RNF24: variants seen among roughly 807,000 people sequenced by gnomAD.
RNF24 encodes the protein ring finger protein 24.
Under a neutral mutation model 20.0 loss-of-function variants are expected in RNF24, and 14 were observed. The ratio of observed to expected loss-of-function variants is 0.70; its 90% confidence interval spans 0.46 to 1.10. RNF24 has a LOEUF of 1.10. RNF24 is among the 50% of genes least tolerant of loss of function. The pLI, the probability that RNF24 is intolerant of heterozygous loss-of-function variation, is 0.00. For synonymous variants in RNF24, 45 were observed against 61.1 expected (o/e 0.74, Z 1.23); for missense variants, 124 against 177.6 (o/e 0.70, Z 1.71).
intron 2 of RNF24, among the ~76,000 whole-genome samples, chr20:3,958,323 C>A (rs1045478365): frequency 6.6e-6 from 1 of 152,090 alleles, no homozygotes; most frequent in Admixed American, 6.6e-5. Context: ...TACAAAAAAA[C>A]CCAGCACTAA....
intron 1 of RNF24, among the ~76,000 whole-genome samples, chr20:3,994,677 C>A (rs1436197920): frequency 2.6e-5 from 4 of 152,182 alleles, no homozygotes; most frequent in Non-Finnish European, 4.4e-5. Flanking sequence ...CCTGTTGAAG[C>A]TACTCTGGGA....
At chr20:3,965,467 T>C (rs2091247972) in intron 1 of RNF24, among the ~76,000 whole-genome samples, 1 of 152,228 alleles carries the variant, frequency 6.6e-6, no homozygotes. Context: ...AATTCTTCTC[T>C]GACAGCTTCC....
chr20:3,989,972 G>C (rs999786413), intron 1 of RNF24, among the ~76,000 whole-genome samples: 1 of 152,124 alleles, frequency 6.6e-6, no homozygotes, highest in Non-Finnish European at 1.5e-5. Flanking sequence ...GAAAGTTAAA[G>C]AATAGCCCAA....
intron 4 of RNF24, among the ~76,000 whole-genome samples, chr20:3,938,804 T>C (rs891562523): frequency 7.2e-5 from 11 of 152,108 alleles, no homozygotes; most frequent in Non-Finnish European, 1.6e-4. Flanking sequence ...ACTGGTGCCA[T>C]CATAGCTCAC....
At position 3,933,733 on chromosome 20, in the gene RNF24, C is replaced by T. The variant is rs1190448924; in HGVS notation, c.*330G>A. 5.2e-6 allele frequency: 1 copy of T among 192,818 alleles called. No individual in the cohort carries two copies. The highest frequency in any genetic ancestry group is 1.0e-5 in the Non-Finnish European group (1 of 95,402). 11.9% of individuals were successfully genotyped at this position (192,818 alleles called of 1,614,324 possible). A position where few individuals can be genotyped will look rare whatever the true frequency, so the allele number is the denominator to read the frequency against. ...TGGCTTGAAAGACCTGCTCTTAGTT[C>T]CCTTCTTTACCCTCCTGCTTGACAT... On this transcript the variant is annotated 3_prime_UTR_variant, in exon 6 of 6. Transcript: ENST00000358395.
chr20:3,960,225 TA>T (rs1010520125), intron 2 of RNF24, among the ~76,000 whole-genome samples: 3 of 152,116 alleles, frequency 2.0e-5, no homozygotes, highest in African/African-American at 7.2e-5. Context: ...TAGGTTATCA[TA>T]AAAAATGAGC....
At chr20:3,998,771 A>AT (rs60699832) in intron 1 of RNF24, among the ~76,000 whole-genome samples, 20,820 of 62,256 alleles carry the variant, frequency 0.33, 1,579 homozygotes, top group Non-Finnish European at 0.41. Context: ...ATAAAATTAA[A>AT]TTAAAAAAAA....
chr20:3,981,611 T>C (rs897611379), intron 1 of RNF24, among the ~76,000 whole-genome samples: 1 of 151,174 alleles, frequency 6.6e-6, no homozygotes, highest in African/African-American at 2.4e-5. Flanking sequence ...GTTCAATCAA[T>C]ACTCCTGCCT....
Position 3,933,063 on chromosome 20 carries a change from C to CT in RNF24, c.*999dup, listed in dbSNP as rs11470036. ...AAAGTGTTAAAAAGTGAATGACAGG[C>CT]TTTTTTTTTTTTTTTTTTTTTTTTC... On this transcript the variant is annotated 3_prime_UTR_variant, in exon 6 of 6. Coordinates refer to ENST00000358395, the MANE Select transcript of RNF24 (RefSeq NM_001134337.3). The CT allele has an allele frequency of 3.7e-3, 1,129 of 305,616 alleles. 4 individuals carry two copies. The highest frequency in any genetic ancestry group is 0.021 in the East Asian group (460 of 21,892). The allele number at this position is 305,616 out of a possible 1,614,324, so 18.9% of individuals were successfully genotyped here.
chr20:3,961,897 ATGC>A (rs2091206110), intron 2 of RNF24, among the ~76,000 whole-genome samples: 1 of 152,198 alleles, frequency 6.6e-6, no homozygotes, highest in Non-Finnish European at 1.5e-5. Flanking sequence ...ATTTTAAAAA[ATGC>A]TGAATATTTA....
intron 1 of RNF24, among the ~76,000 whole-genome samples, chr20:4,014,749 A>G (rs1038330603): frequency 3.4e-4 from 52 of 150,982 alleles, no homozygotes; most frequent in African/African-American, 1.2e-3. Flanking sequence ...GCACACACAC[A>G]CACACACACA....
intron 3 of RNF24, 87 bp from the exon 4 acceptor site, chr20:3,945,305 G>A: frequency 5.4e-6 from 7 of 1,290,944 alleles, no homozygotes; most frequent in Admixed American, 5.5e-5. Context: ...TTTTTCTTTT[G>A]TATATATGGC....
At chr20:3,981,760 C>A (rs1305872747) in intron 1 of RNF24, among the ~76,000 whole-genome samples, 1 of 152,180 alleles carries the variant, frequency 6.6e-6, no homozygotes, top group Non-Finnish European at 1.5e-5. Context: ...CAACACTACT[C>A]TTCCTCTTTA....
At chr20:3,947,842 T>C (rs1008479756) in intron 3 of RNF24, among the ~76,000 whole-genome samples, 1 of 151,874 alleles carries the variant, frequency 6.6e-6, no homozygotes, top group African/African-American at 2.4e-5. Flanking sequence ...AGGTCCAGAG[T>C]TCGAGACCAG....
chr20:4,012,510 C>T (rs929118574), intron 1 of RNF24, among the ~76,000 whole-genome samples: 2 of 151,920 alleles, frequency 1.3e-5, no homozygotes, highest in African/African-American at 4.8e-5. Flanking sequence ...TATTATGAGA[C>T]ATTACTGGGA....
chr20:3,990,083 G>T (rs2147045102), intron 1 of RNF24, among the ~76,000 whole-genome samples: 1 of 151,734 alleles, frequency 6.6e-6, no homozygotes, highest in East Asian at 1.9e-4. Flanking sequence ...AGCCAGTTGA[G>T]AAAAAAAATT....
intron 1 of RNF24, among the ~76,000 whole-genome samples, chr20:3,966,507 T>TGTGTGTGTGTGTGTGTGTGTG (rs60638000): frequency 8.2e-4 from 119 of 145,252 alleles, no homozygotes; most frequent in Non-Finnish European, 1.1e-3. Context: ...TGTGTGTGTG[T>TGTGTGTGTGTGTGTGTGTGTG]TTGGGGAAAG....
intron 4 of RNF24, among the ~76,000 whole-genome samples, chr20:3,940,671 C>T (rs1600627830): frequency 6.6e-6 from 1 of 152,108 alleles, no homozygotes; most frequent in African/African-American, 2.4e-5. Flanking sequence ...AGAAAAAAAT[C>T]TTAAAAGCAG....
chr20:3,970,792 T>C (rs1978321896), intron 1 of RNF24, among the ~76,000 whole-genome samples: 1 of 152,168 alleles, frequency 6.6e-6, no homozygotes, highest in Non-Finnish European at 1.5e-5. Context: ...ACACCTGTAA[T>C]CCCAGCACTT....
Sources: gnomAD v4.1 joint callset for allele counts (sites outside exome capture counted in the v4.1 genomes callset) on GRCh38, gnomAD v4.1.1 for gene constraint, MANE v1.5 for transcripts, NCBI Gene and HGNC (gene_info 2026-07-23, HGNC 2026-07-21) for gene names.